Variants in IGFBP5 observed in about 807,000 individuals in gnomAD.
IGFBP5 encodes insulin-like growth factor-binding protein 5.
In IGFBP5, 12 loss-of-function variants were observed where a neutral mutation model predicts 28.0. The ratio of observed to expected loss-of-function variants is 0.43; its 90% CI spans 0.27 to 0.69. The LOEUF is 0.69. IGFBP5 is among the 30% of genes least tolerant of loss of function. IGFBP5 has a pLI of 0.20. For synonymous variants in IGFBP5, 152 were observed against 150.2 expected, an observed-to-expected ratio of 1.01 and a Z score of -0.09; for missense variants, 344 against 381.6, an observed-to-expected ratio of 0.90 and a Z score of 0.82.
intron 1 of IGFBP5, among the ~76,000 whole-genome samples, chr2:216,686,011 A>C (rs1238130671): frequency 1.3e-5 from 2 of 151,648 alleles, no homozygotes; most frequent in African/African-American, 2.4e-5. Flanking sequence ...AAAAAAAAAA[A>C]CCCAAAGCTG....
intron 1 of IGFBP5, among the ~76,000 whole-genome samples, chr2:216,680,079 C>T (rs1688954414): frequency 6.6e-6 from 1 of 152,056 alleles, no homozygotes; most frequent in South Asian, 2.1e-4. Context: ...AGATCCTTGA[C>T]CTCCCCCAGC....
In IGFBP5 at chr2:216,695,040, T is replaced by G. The variant is rs1689152108; in HGVS notation, c.-265A>C. On this transcript the variant is annotated 5_prime_UTR_variant, in exon 1 of 4. Transcript: ENST00000233813. ...GCAGGGCAGCGCCAGGTGCACGCAGTGAGCGGAGGCCGGAGAAACCCTCAA... is the reference window on the plus strand; with the variant it reads ...GCAGGGCAGCGCCAGGTGCACGCAGGGAGCGGAGGCCGGAGAAACCCTCAA... 2.9e-6 allele frequency: 1 copy of G among 343,230 alleles called. No individual in the cohort carries two copies. Among genetic ancestry groups the G allele is most frequent in the Non-Finnish European group, 5.2e-6 (1 of 191,258 alleles). 21.3% of individuals were successfully genotyped at this position (343,230 alleles called of 1,614,324 possible).
chr2:216,688,045 A>G (rs1267155851), intron 1 of IGFBP5, among the ~76,000 whole-genome samples: 4 of 152,242 alleles, frequency 2.6e-5, no homozygotes, highest in African/African-American at 9.6e-5. Context: ...GCTGGTAGCC[A>G]TTAACCATGT....
At chr2:216,681,197 T>G (rs1276581655) in intron 1 of IGFBP5, among the ~76,000 whole-genome samples, 4 of 152,272 alleles carry the variant, frequency 2.6e-5, no homozygotes, top group South Asian at 4.1e-4. Flanking sequence ...GAAGGGCTTT[T>G]GGGCACGTCT....
intron 1 of IGFBP5, among the ~76,000 whole-genome samples, chr2:216,691,776 A>AAT (rs1346214239): frequency 6.7e-6 from 1 of 149,474 alleles, no homozygotes; most frequent in African/African-American, 2.5e-5. Context: ...GTTACATATA[A>AAT]ATATATATAA....
chr2:216,675,953 T>A lies in IGFBP5; in HGVS notation c.*798A>T, dbSNP rs1688892664. The A allele has an allele frequency of 6.6e-6, 1 of 152,516 alleles. No individual in the cohort carries two copies. Among genetic ancestry groups the A allele is most frequent in the Admixed American group, 6.5e-5 (1 of 15,272 alleles). The allele number at this position is 152,516 out of a possible 1,614,324, so 9.4% of individuals were successfully genotyped here. A position where few individuals can be genotyped will look rare whatever the true frequency, so the allele number is the denominator to read the frequency against. On this transcript the variant is annotated 3_prime_UTR_variant, in exon 4 of 4. Coordinates refer to ENST00000233813, the MANE Select transcript of IGFBP5 (RefSeq NM_000599.4). The stretch of plus-strand genomic sequence containing the variant: ...CAAGTCTTTCCAATATTGGGGCATG[T>A]ATTGATTTCTAAAAAATGTCTGCCT...
intron 1 of IGFBP5, among the ~76,000 whole-genome samples, chr2:216,687,120 A>C (rs1247795875): frequency 6.6e-6 from 1 of 152,128 alleles, no homozygotes; most frequent in Non-Finnish European, 1.5e-5. Context: ...GTAGACCACA[A>C]GATCTGAGGC....
intron 1 of IGFBP5, among the ~76,000 whole-genome samples, chr2:216,680,068 C>G (rs535621674): frequency 6.6e-6 from 1 of 152,230 alleles, no homozygotes; most frequent in South Asian, 2.1e-4. Context: ...CTTCTCCTCT[C>G]AGATCCTTGA....
At position 216,676,536 on chromosome 2, in the gene IGFBP5, G is replaced by T; in HGVS notation, c.*215C>A. 1 of 357,532 alleles carries T rather than the reference G, an allele frequency of 2.8e-6. No homozygotes were observed. The allele number at this position is 357,532 out of a possible 1,614,324, so 22.1% of individuals were successfully genotyped here. A position where few individuals can be genotyped will look rare whatever the true frequency, so the allele number is the denominator to read the frequency against. On this transcript the variant is annotated 3_prime_UTR_variant, in exon 4 of 4. Coordinates refer to ENST00000233813, the MANE Select transcript of IGFBP5 (RefSeq NM_000599.4). ...AAAAAGAAAACCATTTAAAGGGGGG[G>T]GGTGTCTTTTTAGCTTTTTGCATCT... is the stretch of plus-strand genomic sequence containing the variant.
chr2:216,693,742 A>G (rs1689130867), intron 1 of IGFBP5, among the ~76,000 whole-genome samples: 1 of 152,088 alleles, frequency 6.6e-6, no homozygotes, highest in African/African-American at 2.4e-5. Context: ...GATAAAATAA[A>G]AGTCATTTTG....
chr2:216,686,231 A>G (rs1689033480), intron 1 of IGFBP5, among the ~76,000 whole-genome samples: 2 of 152,230 alleles, frequency 1.3e-5, no homozygotes, highest in African/African-American at 4.8e-5. Context: ...ATATATCTCT[A>G]TCCTTACCAG....
rs1020881397 is a variant in IGFBP5 at position 216,694,877 on chromosome 2, T to G, written c.-102A>C. On this transcript the variant is annotated 5_prime_UTR_variant, in exon 1 of 4. Transcript: ENST00000233813. This position sits in a 1 kb window ranked among gnomAD's most constrained non-coding sequence, Gnocchi z 5.2. ...CCCGGAGATTTTTTTGTTTTTGTTT[T>G]TGTTTTAAAATTTCTGGCAGGTAGA... The G allele has an allele frequency of 3.4e-6, 3 of 878,072 alleles. No homozygotes were observed. In the African/African-American group the frequency reaches 5.3e-5, roughly 15 times the overall value. 54.4% of individuals were successfully genotyped at this position (878,072 alleles called of 1,614,324 possible). A position where few individuals can be genotyped will look rare whatever the true frequency, so the allele number is the denominator to read the frequency against.
rs1574577757 is a variant in IGFBP5, at chr2:216,678,359, A to T, written c.568-128T>A. 1.4e-5 allele frequency: 13 copies of T among 951,322 alleles called. No homozygotes were observed. In the East Asian group the frequency reaches 3.7e-4, roughly 27 times the overall value. The allele number at this position is 951,322 out of a possible 1,614,324, so 58.9% of individuals were successfully genotyped here. A position where few individuals can be genotyped will look rare whatever the true frequency, so the allele number is the denominator to read the frequency against. ...AAAGTCACCACCTTTGGTTCTAATCATCTGCTACCAAAGATCTTTCCTCCC... is the reference window on the plus strand; with the variant it reads ...AAAGTCACCACCTTTGGTTCTAATCTTCTGCTACCAAAGATCTTTCCTCCC... On this transcript the variant is annotated intron_variant, in intron 2 of 3. Transcript: ENST00000233813.
intron 3 of IGFBP5, among the ~76,000 whole-genome samples, chr2:216,677,173 A>G (rs1464191419): frequency 1.3e-5 from 2 of 151,782 alleles, no homozygotes; most frequent in Admixed American, 6.6e-5. Flanking sequence ...TCCTGAGCCC[A>G]AGTGATCTTC....
chr2:216,677,600 T>C (rs912304676), intron 3 of IGFBP5, among the ~76,000 whole-genome samples: 1 of 152,128 alleles, frequency 6.6e-6, no homozygotes, highest in African/African-American at 2.4e-5. Flanking sequence ...TAAAGCAGCA[T>C]CAGGGTCACG....
At chr2:216,685,869 T>A (rs76734699) in intron 1 of IGFBP5, among the ~76,000 whole-genome samples, 6 of 151,418 alleles carry the variant, frequency 4.0e-5, no homozygotes, top group African/African-American at 1.5e-4. Flanking sequence ...TCAGAAGACA[T>A]TTTTTTTTGT....
chr2:216,681,804 T>G (rs755355070), intron 1 of IGFBP5, among the ~76,000 whole-genome samples: 1 of 152,166 alleles, frequency 6.6e-6, no homozygotes, highest in East Asian at 1.9e-4. Context: ...CAACAGCTCT[T>G]CTCAAGACCT....
intron 1 of IGFBP5, among the ~76,000 whole-genome samples, chr2:216,693,339 G>A (rs1689124220): frequency 6.7e-6 from 1 of 149,640 alleles, no homozygotes; most frequent in South Asian, 2.1e-4. Context: ...CCAGTGCGTG[G>A]CTTTTCTGTC....
chr2:216,676,967 G>A (rs1688908407), intron 3 of IGFBP5, 85 bp from the exon 4 acceptor site: 6 of 1,470,482 alleles, frequency 4.1e-6, no homozygotes, highest in Non-Finnish European at 5.6e-6. Flanking sequence ...TCTACCCCAA[G>A]GCAAGACTCT....
Sources: allele counts gnomAD v4.1 joint callset (sites outside exome capture counted in the v4.1 genomes callset), GRCh38; gene constraint gnomAD v4.1.1; non-coding constraint Gnocchi (gnomAD v3.1); transcripts MANE v1.5; gene names NCBI Gene and HGNC (gene_info 2026-07-23, HGNC 2026-07-21).